The following TXNRD1 variants were observed in gnomAD, a reference collection of about 807,000 sequenced individuals.
The protein encoded by TXNRD1 is thioredoxin reductase 1, also known as thioredoxin reductase 1, cytoplasmic.
A neutral mutation model predicts 80.3 loss-of-function variants in TXNRD1; 57 were observed. The ratio of observed to expected loss-of-function variants is 0.71; its 90% confidence interval spans 0.57 to 0.89. TXNRD1 has a LOEUF of 0.89. Ranked by LOEUF, TXNRD1 falls within the 40% of genes least tolerant of loss-of-function variation. The pLI, the probability that TXNRD1 is intolerant of heterozygous loss-of-function variation, is 0.00. For synonymous variants in TXNRD1, 291 were observed against 285.2 expected, an observed-to-expected ratio of 1.02 and a Z score of -0.20; for missense variants, 730 against 803.0, an observed-to-expected ratio of 0.91 and a Z score of 1.10.
chr12:104,344,892 A>G (rs896542862), intron 16 of TXNRD1, among the ~76,000 whole-genome samples: 8 of 152,216 alleles, frequency 5.3e-5, no homozygotes, highest in Admixed American at 4.6e-4. Flanking sequence ...CATTTATCCC[A>G]AGGAAGTCTT....
chr12:104,216,698 G>C (rs12821515), intron 1 of TXNRD1, among the ~76,000 whole-genome samples: 58,671 of 152,110 alleles, frequency 0.39, 13,032 homozygotes, highest in Non-Finnish European at 0.51. Flanking sequence ...CACACAACTA[G>C]TAAGTGGAAG....
Position 104,234,745 on chromosome 12 carries a change from C to T in TXNRD1, c.92-16782C>T, listed in dbSNP as rs189105380. Among the ~76,000 whole-genome samples, 408 of 149,730 alleles carry T rather than the reference C, an allele frequency of 2.7e-3. 2 individuals carry two copies. The highest frequency in any genetic ancestry group is 9.3e-3 in the African/African-American group (378 of 40,744). On this transcript the variant is annotated intron_variant, in intron 1 of 16. Coordinates refer to ENST00000525566, the MANE Select transcript of TXNRD1 (RefSeq NM_001093771.3). ...AGCCAAACTCTAACTGCAGCTAGAA[C>T]AGGCAGCTCTGCAAGCAGAAGAAAA...
intron 3 of TXNRD1, among the ~76,000 whole-genome samples, chr12:104,269,829 A>G (rs1016244004): frequency 7.9e-5 from 12 of 152,036 alleles, no homozygotes; most frequent in African/African-American, 2.9e-4. Flanking sequence ...TTGTCCTCCC[A>G]AAGTGCTGGG....
At chr12:104,304,317 G>A (rs1314492461) in intron 4 of TXNRD1, 1 of 1,613,938 alleles carries the variant, frequency 6.2e-7, no homozygotes, top group East Asian at 2.2e-5. Context: ...CTGTTCGTGG[G>A]TCTGAATTGG....
chr12:104,244,961 C>T (rs79876835), intron 1 of TXNRD1, among the ~76,000 whole-genome samples: 11,580 of 152,132 alleles, frequency 0.076, 573 homozygotes, highest in Middle Eastern at 0.17. Flanking sequence ...TCAGGAGGTC[C>T]GGAATGGTGA....
At chr12:104,305,703 C>T (rs1272227405) in intron 4 of TXNRD1, among the ~76,000 whole-genome samples, 4 of 152,156 alleles carry the variant, frequency 2.6e-5, no homozygotes, top group Non-Finnish European at 5.9e-5. Context: ...TATTAATATC[C>T]TGAGAAGATG....
At chr12:104,231,013 G>A (rs994957450) in intron 1 of TXNRD1, among the ~76,000 whole-genome samples, 1 of 152,190 alleles carries the variant, frequency 6.6e-6, no homozygotes, top group African/African-American at 2.4e-5. Flanking sequence ...GAATCACCAT[G>A]TTTGGGTGGA....
intron 5 of TXNRD1, 120 bp downstream of exon 5, chr12:104,311,532 G>T: frequency 1.5e-6 from 2 of 1,323,972 alleles, no homozygotes; most frequent in Non-Finnish European, 1.0e-6. Context: ...GTGACATTTT[G>T]CACATTAACT....
chr12:104,261,456 C>T (rs1285701750), intron 3 of TXNRD1, among the ~76,000 whole-genome samples: 1 of 152,168 alleles, frequency 6.6e-6, no homozygotes, highest in East Asian at 1.9e-4. Flanking sequence ...AGCCACCATG[C>T]CCGTCCCCCT....
At chr12:104,344,146 G>A (rs2036416545) in intron 16 of TXNRD1, among the ~76,000 whole-genome samples, 1 of 152,140 alleles carries the variant, frequency 6.6e-6, no homozygotes, top group Non-Finnish European at 1.5e-5. Context: ...CTGTAGGGTT[G>A]ATTAAAATGC....
At chr12:104,342,543 A>G (rs145209501) in intron 16 of TXNRD1, among the ~76,000 whole-genome samples, 1 of 152,382 alleles carries the variant, frequency 6.6e-6, no homozygotes, top group East Asian at 1.9e-4. Context: ...TTAGCTAGTG[A>G]GAGAACACTG....
chr12:104,328,241 C>G (rs936997553), intron 13 of TXNRD1, among the ~76,000 whole-genome samples: 1 of 149,122 alleles, frequency 6.7e-6, no homozygotes, highest in South Asian at 2.1e-4. Context: ...CTTGATTAAT[C>G]AAGTTTTCAG....
chr12:104,296,518 C>T (rs1381065669), intron 4 of TXNRD1, among the ~76,000 whole-genome samples: 1 of 152,228 alleles, frequency 6.6e-6, no homozygotes, highest in African/African-American at 2.4e-5. Context: ...AAGCAATCCT[C>T]TTGCCTCAGC....
rs539464931 is a variant in TXNRD1 at position 104,224,585 on chromosome 12, C to T, written c.91+8692C>T. ...TTTTTTAGTAAAGACGGGGTTTCAC[C>T]ATGTTGGCCAGGTTGGTCTCAAACT... On this transcript the variant is annotated intron_variant, in intron 1 of 16. Transcript: ENST00000525566. Among the ~76,000 whole-genome samples, 47 of 152,112 alleles carry T rather than the reference C, an allele frequency of 3.1e-4. 1 individual carries two copies. Among genetic ancestry groups the T allele is most frequent in the African/African-American group, 1.1e-3 (45 of 41,492 alleles).
intron 3 of TXNRD1, among the ~76,000 whole-genome samples, chr12:104,267,699 T>TTCTTTCTTTCTTTCTTTCTTTCTC (rs1555209251): frequency 1.9e-3 from 90 of 46,406 alleles, no homozygotes; most frequent in Middle Eastern, 8.5e-3. Flanking sequence ...CTTTCTTTCT[T>TTCTTTCTTTCTTTCTTTCTTTCTC]TCTCTCTTTC....
At chr12:104,218,451 C>G (rs1283214976) in intron 1 of TXNRD1, among the ~76,000 whole-genome samples, 1 of 152,094 alleles carries the variant, frequency 6.6e-6, no homozygotes, top group Non-Finnish European at 1.5e-5. Flanking sequence ...CCCAGGAGCC[C>G]CTCTAATGTC....
intron 3 of TXNRD1, among the ~76,000 whole-genome samples, chr12:104,261,948 G>A (rs534633208): frequency 4.4e-4 from 67 of 151,786 alleles, no homozygotes; most frequent in African/African-American, 1.5e-3. Context: ...GGTTTTCACC[G>A]TGTTGGTCAG....
chr12:104,301,287 A>G (rs989048615), intron 4 of TXNRD1, among the ~76,000 whole-genome samples: 2 of 152,196 alleles, frequency 1.3e-5, no homozygotes, highest in East Asian at 3.8e-4. Context: ...AATAGGCACC[A>G]TAGGGTGGGA....
At chr12:104,271,012 G>A (rs1366247339) in intron 3 of TXNRD1, among the ~76,000 whole-genome samples, 2 of 152,062 alleles carry the variant, frequency 1.3e-5, no homozygotes, top group African/African-American at 4.8e-5. Context: ...TTAGCCGGGT[G>A]TGGTGGTGCA....
Sources: allele counts gnomAD v4.1 joint callset (sites outside exome capture counted in the v4.1 genomes callset), GRCh38; gene constraint gnomAD v4.1.1; transcripts MANE v1.5; gene names NCBI Gene and HGNC (gene_info 2026-07-23, HGNC 2026-07-21).